TBL1XR1: variants seen among roughly 807,000 people sequenced by gnomAD.
The protein encoded by TBL1XR1 is F-box-like/WD repeat-containing protein TBL1XR1.
TBL1XR1 carries 5 observed loss-of-function variants against 66.9 expected under a neutral mutation model. That is an observed-to-expected ratio of 0.07 (90% confidence interval 0.04 to 0.16). The LOEUF is 0.16. Ranked by LOEUF, TBL1XR1 falls within the 10% of genes least tolerant of loss-of-function variation. The pLI is 1.00. For missense variants in TBL1XR1, 238 were observed against 623.2 expected, an observed-to-expected ratio of 0.38 and a Z score of 6.58; for synonymous variants, 210 against 206.0, an observed-to-expected ratio of 1.02 and a Z score of -0.17.
At chr3:177,174,418 A>AAAG (rs1553864723) in intron 1 of TBL1XR1, among the ~76,000 whole-genome samples, 1 of 146,450 alleles carries the variant, frequency 6.8e-6, no homozygotes, top group Non-Finnish European at 1.5e-5. Flanking sequence ...CAAAAAAAAA[A>AAAG]AAAAAAAAAA....
At chr3:177,077,833 A>C (rs1339534393) in intron 2 of TBL1XR1, among the ~76,000 whole-genome samples, 2 of 152,268 alleles carry the variant, frequency 1.3e-5, no homozygotes, top group Admixed American at 1.3e-4. Flanking sequence ...CCCTAAGTGC[A>C]GTTTTATTGC....
chr3:177,199,564 C>A (rs1308656089), upstream of TBL1XR1, among the ~76,000 whole-genome samples: 1 of 151,936 alleles, frequency 6.6e-6, no homozygotes, highest in Non-Finnish European at 1.5e-5. Flanking sequence ...AAAATCAAAC[C>A]CCACTTTCAG....
At chr3:177,161,599 T>A (rs144388121) in intron 1 of TBL1XR1, among the ~76,000 whole-genome samples, 149 of 151,900 alleles carry the variant, frequency 9.8e-4, no homozygotes, top group African/African-American at 3.5e-3. Flanking sequence ...CCTGGCCAAC[T>A]TGGTGAAACC....
chr3:177,049,581 CAT>C (rs963305377), intron 7 of TBL1XR1, among the ~76,000 whole-genome samples: 2 of 152,112 alleles, frequency 1.3e-5, no homozygotes, highest in African/African-American at 4.8e-5. Context: ...AAAACAAGAA[CAT>C]GTTTTTTGCT....
chr3:177,183,164 G>A (rs998747121), intron 1 of TBL1XR1, among the ~76,000 whole-genome samples: 1 of 152,128 alleles, frequency 6.6e-6, no homozygotes, highest in Non-Finnish European at 1.5e-5. Flanking sequence ...CGACGTTTCT[G>A]AGTACTGACT....
intron 1 of TBL1XR1, among the ~76,000 whole-genome samples, chr3:177,129,700 TAAAAA>T (rs921709067): frequency 1.3e-5 from 2 of 151,526 alleles, no homozygotes; most frequent in African/African-American, 4.8e-5. Flanking sequence ...AAGCATATCT[TAAAAA>T]AAAAGTACAA....
upstream of TBL1XR1, among the ~76,000 whole-genome samples, chr3:177,198,891 C>T (rs1417468717): frequency 6.6e-6 from 1 of 151,470 alleles, no homozygotes; most frequent in Non-Finnish European, 1.5e-5. Flanking sequence ...CACACACACA[C>T]ACACACACAC....
chr3:177,030,461 T>G (rs1713821817), intron 14 of TBL1XR1, among the ~76,000 whole-genome samples: 1 of 152,016 alleles, frequency 6.6e-6, no homozygotes, highest in African/African-American at 2.4e-5. Context: ...TAATTACAAT[T>G]TTACCACAGA....
intron 1 of TBL1XR1, among the ~76,000 whole-genome samples, chr3:177,111,215 C>T (rs1725518851): frequency 1.3e-5 from 2 of 151,550 alleles, no homozygotes; most frequent in Non-Finnish European, 2.9e-5. Flanking sequence ...ACAAACGATA[C>T]AAAAGTTACC....
chr3:177,171,375 A>C (rs991988362), intron 1 of TBL1XR1: 1 of 151,266 alleles, frequency 6.6e-6, no homozygotes, highest in Admixed American at 6.6e-5. Context: ...CATAAAATCC[A>C]TATGAAGACA....
intron 2 of TBL1XR1, among the ~76,000 whole-genome samples, chr3:177,080,614 TGAAAGAAAAAA>T: frequency 6.6e-6 from 1 of 152,272 alleles, no homozygotes; most frequent in African/African-American, 2.4e-5. Context: ...TAAAGCTAAC[TGAAAGAAAAAA>T]TATATATTTT....
chr3:177,187,736 G>A (rs541115568), intron 1 of TBL1XR1, among the ~76,000 whole-genome samples: 148 of 151,748 alleles, frequency 9.8e-4, no homozygotes, highest in African/African-American at 3.5e-3. Flanking sequence ...GACACAATGA[G>A]AAGAAAAGAG....
chr3:177,072,334 T>C (rs1459694314), intron 2 of TBL1XR1, among the ~76,000 whole-genome samples: 2 of 152,170 alleles, frequency 1.3e-5, no homozygotes, highest in East Asian at 3.8e-4. Context: ...AAGATATTAC[T>C]TGCATTTTTC....
chr3:177,200,558 C>T (rs1209400880), upstream of TBL1XR1, among the ~76,000 whole-genome samples: 1 of 152,148 alleles, frequency 6.6e-6, no homozygotes, highest in East Asian at 1.9e-4. Context: ...ATTAGACTCA[C>T]TGGGTGAGGA....
rs147588005 is a variant in TBL1XR1, at chr3:177,029,194, A to G, written c.1417-2720T>C. Among the ~76,000 whole-genome samples, 1,073 of 152,112 alleles carry G rather than the reference A, an allele frequency of 7.1e-3. 36 individuals are homozygous for G. The highest frequency in any genetic ancestry group is 0.061 in the Admixed American group (938 of 15,284). On this transcript the variant is annotated intron_variant, in intron 14 of 15. Coordinates refer to ENST00000457928, the MANE Select transcript of TBL1XR1 (RefSeq NM_024665.7). ...CATGTGCCTGTAGACCCAGCTACACAGAATGCTGAGGTCAAAGGATCTCTT... is the reference window on the plus strand; with the variant it reads ...CATGTGCCTGTAGACCCAGCTACACGGAATGCTGAGGTCAAAGGATCTCTT...
At chr3:177,069,839 A>AGGAG (rs1719726420) in intron 2 of TBL1XR1, among the ~76,000 whole-genome samples, 1 of 150,610 alleles carries the variant, frequency 6.6e-6, no homozygotes, top group Non-Finnish European at 1.5e-5. Flanking sequence ...GAAGGAAGGA[A>AGGAG]GGAAGGAAGG....
chr3:177,179,086 C>G (rs987648613), intron 1 of TBL1XR1, among the ~76,000 whole-genome samples: 1 of 143,300 alleles, frequency 7.0e-6, no homozygotes. Flanking sequence ...CATTGCACTC[C>G]AGCCTGGGCA....
intron 1 of TBL1XR1, among the ~76,000 whole-genome samples, chr3:177,161,588 G>A (rs2108890095): frequency 6.6e-6 from 1 of 152,208 alleles, no homozygotes. Context: ...TTTGAGACCA[G>A]CCTGGCCAAC....
At chr3:177,184,530 G>A (rs112319197) in intron 1 of TBL1XR1, among the ~76,000 whole-genome samples, 14 of 152,266 alleles carry the variant, frequency 9.2e-5, no homozygotes, top group East Asian at 3.9e-4. Flanking sequence ...GGCCAGGTGC[G>A]GTGGCTCACG....
Sources: gnomAD v4.1 joint callset for allele counts (sites outside exome capture counted in the v4.1 genomes callset) on GRCh38, gnomAD v4.1.1 for gene constraint, MANE v1.5 for transcripts, NCBI Gene and HGNC (gene_info 2026-07-23, HGNC 2026-07-21) for gene names.